The following ACVR1B variants were observed in gnomAD, a reference collection of about 807,000 sequenced individuals.
The protein encoded by ACVR1B is activin receptor type-1B.
ACVR1B carries 15 observed loss-of-function variants against 55.6 expected under a neutral mutation model. The ratio of observed to expected loss-of-function variants is 0.27; its 90% confidence interval spans 0.18 to 0.42. ACVR1B has a LOEUF of 0.42. Ranked by LOEUF, ACVR1B falls within the 10% of genes least tolerant of loss-of-function variation. ACVR1B has a pLI of 1.00. For missense variants in ACVR1B, 359 were observed against 670.1 expected (o/e 0.54, Z 5.13); for synonymous variants, 247 against 254.6 (o/e 0.97, Z 0.28).
At chr12:51,991,095 T>G (rs1035172097) in intron 7 of ACVR1B, among the ~76,000 whole-genome samples, 2 of 152,228 alleles carry the variant, frequency 1.3e-5, no homozygotes, top group African/African-American at 4.8e-5. Context: ...TCCCATGATA[T>G]ATAGTTGGAA....
intron 2 of ACVR1B, among the ~76,000 whole-genome samples, chr12:51,975,882 G>A (rs1941840771): frequency 6.6e-6 from 1 of 152,316 alleles, no homozygotes; most frequent in African/African-American, 2.4e-5. Flanking sequence ...TGTGAGGAGG[G>A]ACCAGAATAG....
intron 1 of ACVR1B, among the ~76,000 whole-genome samples, chr12:51,969,280 A>G (rs1418627404): frequency 1.3e-5 from 2 of 152,138 alleles, no homozygotes; most frequent in Admixed American, 1.3e-4. Context: ...TTCCCATCTC[A>G]AAGGACTTTA....
chr12:51,990,186 C>T (rs941780328), intron 7 of ACVR1B, among the ~76,000 whole-genome samples: 7 of 150,840 alleles, frequency 4.6e-5, no homozygotes, highest in Non-Finnish European at 7.4e-5. Flanking sequence ...CCCAGCTACT[C>T]GGAGGCTGAG....
intron 4 of ACVR1B, among the ~76,000 whole-genome samples, chr12:51,981,559 C>G (rs964595045): frequency 6.6e-5 from 10 of 152,150 alleles, no homozygotes; most frequent in Non-Finnish European, 1.5e-4. Flanking sequence ...GGGCTGGGCG[C>G]GGTGGCTCAC....
intron 3 of ACVR1B, among the ~76,000 whole-genome samples, chr12:51,979,330 G>A (rs2120644165): frequency 6.6e-6 from 1 of 151,132 alleles, no homozygotes. Context: ...ATCTGGGTGT[G>A]GTGGCGGGCA....
rs1009975191 is a variant in ACVR1B, at chr12:51,992,119, C to T, written c.1392+126C>T. 43 of 1,277,850 alleles carry T rather than the reference C, an allele frequency of 3.4e-5. 1 individual carries two copies. In the South Asian group the frequency reaches 3.5e-4, roughly 10 times the overall value. 79.2% of individuals were successfully genotyped at this position (1,277,850 alleles called of 1,614,324 possible). A position where few individuals can be genotyped will look rare whatever the true frequency, so the allele number is the denominator to read the frequency against. Reference sequence around the variant, plus strand: ...GAGTGTCAGTTATTATTTACTATTACGTGCTATTTTACATATCCCAAGCCC... The same window carrying T: ...GAGTGTCAGTTATTATTTACTATTATGTGCTATTTTACATATCCCAAGCCC... On this transcript the variant is annotated intron_variant, in intron 8 of 8. Coordinates refer to ENST00000257963, the MANE Select transcript of ACVR1B (RefSeq NM_004302.5).
chr12:51,966,138 G>T (rs543702682), intron 1 of ACVR1B, among the ~76,000 whole-genome samples: 1 of 152,266 alleles, frequency 6.6e-6, no homozygotes, highest in South Asian at 2.1e-4. Context: ...CCTTGTGAGG[G>T]ATGGTAGGGA....
intron 1 of ACVR1B, among the ~76,000 whole-genome samples, chr12:51,957,828 G>A (rs188899381): frequency 1.5e-4 from 23 of 152,288 alleles, no homozygotes; most frequent in African/African-American, 5.5e-4. Flanking sequence ...TTTTCTCTGT[G>A]AGGCATATCA....
intron 1 of ACVR1B, among the ~76,000 whole-genome samples, chr12:51,966,063 T>TA (rs959356460): frequency 2.2e-4 from 31 of 141,556 alleles, no homozygotes; most frequent in South Asian, 2.2e-4. Context: ...AAAATACTAC[T>TA]AAAAAAAAAA....
chr12:51,992,654 T>C (rs1193042931), intron 8 of ACVR1B, among the ~76,000 whole-genome samples: 3 of 151,846 alleles, frequency 2.0e-5, no homozygotes, highest in East Asian at 1.9e-4. Flanking sequence ...GAGGAGGAGG[T>C]GTCCATAAGA....
intron 1 of ACVR1B, among the ~76,000 whole-genome samples, chr12:51,956,443 A>G (rs1941408893): frequency 6.6e-6 from 1 of 152,250 alleles, no homozygotes; most frequent in African/African-American, 2.4e-5. Flanking sequence ...TATGGAACTT[A>G]TAATTGCAAT....
intron 1 of ACVR1B, among the ~76,000 whole-genome samples, chr12:51,966,808 T>C (rs1941650001): frequency 6.6e-6 from 1 of 152,222 alleles, no homozygotes; most frequent in East Asian, 1.9e-4. Context: ...TTTTGAACAC[T>C]GACTGGATAT....
chr12:51,986,323 G>T (rs1051943175), intron 6 of ACVR1B, among the ~76,000 whole-genome samples: 1 of 152,242 alleles, frequency 6.6e-6, no homozygotes, highest in Non-Finnish European at 1.5e-5. Context: ...CAATGGCACA[G>T]TCATGGCTCA....
At chr12:51,958,800 G>A (rs920454620) in intron 1 of ACVR1B, among the ~76,000 whole-genome samples, 1 of 152,258 alleles carries the variant, frequency 6.6e-6, no homozygotes, top group Non-Finnish European at 1.5e-5. Context: ...ACAGGAGGCA[G>A]AGCTCAGGTA....
chr12:51,966,781 TC>T (rs1217804531), intron 1 of ACVR1B, among the ~76,000 whole-genome samples: 1 of 152,202 alleles, frequency 6.6e-6, no homozygotes, highest in East Asian at 1.9e-4. Flanking sequence ...GTTAATTTTT[TC>T]AAGGTAATAA....
intron 1 of ACVR1B, among the ~76,000 whole-genome samples, chr12:51,961,642 CTG>C (rs1258443052): frequency 1.4e-4 from 22 of 152,168 alleles, no homozygotes; most frequent in South Asian, 2.1e-4. Context: ...TCACTCAAAA[CTG>C]TGACATACAC....
intron 4 of ACVR1B, chr12:51,982,828 A>G (rs1362336084): frequency 1.3e-5 from 19 of 1,483,688 alleles, no homozygotes; most frequent in Admixed American, 2.6e-5. Context: ...TCCTTTTTAA[A>G]ACTATCACCT....
intron 1 of ACVR1B, among the ~76,000 whole-genome samples, chr12:51,956,744 C>T (rs894987137): frequency 2.0e-5 from 3 of 151,414 alleles, no homozygotes; most frequent in Non-Finnish European, 4.4e-5. Context: ...CAATACATAA[C>T]CTTATTTTAT....
rs554765830 is a variant in ACVR1B at position 51,988,598 on chromosome 12, C to T, written c.1261+1656C>T. 3.9e-5 allele frequency among the ~76,000 whole-genome samples: 6 copies of T among 152,266 alleles called. No homozygotes were observed. The East Asian group carries it at 1.2e-3, about 29-fold the overall frequency. On this transcript the variant is annotated intron_variant, in intron 7 of 8. Coordinates refer to ENST00000257963, the MANE Select transcript of ACVR1B (RefSeq NM_004302.5). ...AATGCTAACATTTATTCACCACTTG[C>T]TATGTATAAGCTCATTTAATCTTTA...
Sources: gnomAD v4.1 joint callset for allele counts (sites outside exome capture counted in the v4.1 genomes callset) on GRCh38, gnomAD v4.1.1 for gene constraint, MANE v1.5 for transcripts, NCBI Gene and HGNC (gene_info 2026-07-23, HGNC 2026-07-21) for gene names.